The following ZFHX4 variants were observed in gnomAD, a reference collection of about 807,000 sequenced individuals.
ZFHX4 encodes the protein zinc finger homeobox protein 4.
A neutral mutation model predicts 267.6 loss-of-function variants in ZFHX4; 56 were observed. The observed-to-expected ratio is 0.21, with a 90% CI of 0.17 to 0.26. The LOEUF is 0.26. Ranked by LOEUF, ZFHX4 falls within the 10% of genes least tolerant of loss-of-function variation. The pLI, the probability that ZFHX4 is intolerant of heterozygous loss-of-function variation, is 1.00. For missense variants in ZFHX4, 4,332 were observed against 4,420.0 expected (o/e 0.98, Z 0.56); for synonymous variants, 1,778 against 1,665.6 (o/e 1.07, Z -1.64).
chr8:76,852,929 C>T lies in ZFHX4; in HGVS notation c.6008C>T (p.Pro2003Leu), dbSNP rs1219519847. 1.3e-6 allele frequency: 2 copies of T among 1,593,366 alleles called. No individual in the cohort carries two copies. The highest frequency in any genetic ancestry group is 1.1e-5 in the South Asian group (1 of 88,596). ...YPISPSSPET[P>L]PPPPPPPPLP... ...ATTTCTCCATCTTCTCCAGAAACGC[C>T]GCCCCCGCCACCTCCTCCTCCTCCC... The change falls in exon 10 of 11, where the codon CCG (proline) becomes CTG (leucine). Residue 2003 changes from proline to leucine, a missense_variant. Physicochemically the swap from Pro to Leu is moderately conservative, Grantham distance 98. Around this residue, in one of 7 missense-constraint regions of ZFHX4, gnomAD observed 1,371 missense variants for 1,423.1 expected, o/e 0.96. Transcript: ENST00000651372.
chr8:76,710,068 T>C (rs1286508223), intron 3 of ZFHX4, among the ~76,000 whole-genome samples: 1 of 152,186 alleles, frequency 6.6e-6, no homozygotes, highest in Non-Finnish European at 1.5e-5. Flanking sequence ...TTATAAATCA[T>C]ATAAAAATTT....
Position 76,854,470 on chromosome 8 carries a change from C to A in ZFHX4, c.7549C>A (p.Leu2517Ile), listed in dbSNP as rs762928700. ...LWQEHQHMHFLAAQNQFLHSP... is the reference protein window; with the variant it reads ...LWQEHQHMHFIAAQNQFLHSP... The stretch of plus-strand genomic sequence containing the variant: ...GCAGGAACACCAGCACATGCACTTC[C>A]TTGCTGCTCAAAACCAATTCCTTCA... The change falls in exon 10 of 11, where the codon CTT becomes ATT. Residue 2517 changes from leucine (L) to isoleucine (I), a missense_variant. Transcript: ENST00000651372. The A allele has an allele frequency of 6.2e-7, 1 of 1,613,870 alleles. No individual in the cohort carries two copies. Among genetic ancestry groups the A allele is most frequent in the East Asian group, 2.2e-5 (1 of 44,872 alleles).
chr8:76,824,448 G>A (rs552968173), intron 4 of ZFHX4, among the ~76,000 whole-genome samples: 1 of 152,312 alleles, frequency 6.6e-6, no homozygotes, highest in African/African-American at 2.4e-5. Context: ...AAGGTGGATG[G>A]TGGAAGTTTG....
intron 3 of ZFHX4, among the ~76,000 whole-genome samples, chr8:76,725,109 G>A (rs971997224): frequency 6.6e-6 from 1 of 151,940 alleles, no homozygotes; most frequent in Non-Finnish European, 1.5e-5. Context: ...TTCTATAATT[G>A]GACAATTTTC....
intron 6 of ZFHX4, among the ~76,000 whole-genome samples, chr8:76,844,712 A>G (rs1005478961): frequency 2.0e-5 from 3 of 152,122 alleles, no homozygotes; most frequent in African/African-American, 7.2e-5. Context: ...TTGTATCCCC[A>G]TATAAATGCC....
At chr8:76,770,023 A>C (rs1043156518) in intron 3 of ZFHX4, among the ~76,000 whole-genome samples, 3 of 152,134 alleles carry the variant, frequency 2.0e-5, no homozygotes, top group African/African-American at 7.2e-5. Context: ...CGCAAAACTG[A>C]GTCTGGAGAG....
intron 5 of ZFHX4, among the ~76,000 whole-genome samples, chr8:76,839,305 C>A (rs574356220): frequency 6.6e-6 from 1 of 152,132 alleles, no homozygotes; most frequent in African/African-American, 2.4e-5. Flanking sequence ...TGTAGAGTAA[C>A]TTATAAGATC....
At chr8:76,782,891 A>G (rs1365650295) in intron 4 of ZFHX4, among the ~76,000 whole-genome samples, 4 of 152,160 alleles carry the variant, frequency 2.6e-5, no homozygotes, top group Middle Eastern at 3.4e-3. Flanking sequence ...ATATTAATTA[A>G]TCAGCTCTCG....
chr8:76,769,220 T>C lies in ZFHX4; in HGVS notation c.3094-8988T>C, dbSNP rs115504271. Among the ~76,000 whole-genome samples, 161 of 152,340 alleles carry C rather than the reference T, an allele frequency of 1.1e-3. 1 individual carries two copies. Among genetic ancestry groups the C allele is most frequent in the African/African-American group, 3.8e-3 (156 of 41,584 alleles). On this transcript the variant is annotated intron_variant, in intron 3 of 10. Coordinates refer to ENST00000651372, the MANE Select transcript of ZFHX4 (RefSeq NM_024721.5). ...TGACAAATGGATGACATGAATGATC[T>C]TTCCATATGTGAGAAACAAATCTAT... is the stretch of plus-strand genomic sequence containing the variant.
intron 2 of ZFHX4, 91 bp downstream of exon 2, chr8:76,706,769 C>T (rs1052062725): frequency 7.5e-7 from 1 of 1,339,832 alleles, no homozygotes; most frequent in East Asian, 2.5e-5. Context: ...TGAGTGCCAA[C>T]AAATTGAGGA....
intron 6 of ZFHX4, among the ~76,000 whole-genome samples, chr8:76,844,982 A>G (rs779099150): frequency 4.3e-4 from 66 of 152,054 alleles, no homozygotes; most frequent in Non-Finnish European, 2.2e-4. Flanking sequence ...GTTTTTCTCT[A>G]TATGTGTCAT....
At chr8:76,812,596 T>C (rs1811405189) in intron 4 of ZFHX4, among the ~76,000 whole-genome samples, 1 of 152,196 alleles carries the variant, frequency 6.6e-6, no homozygotes, top group Non-Finnish European at 1.5e-5. Flanking sequence ...AAATGAATAT[T>C]GATATTTTTA....
At chr8:76,800,694 G>A (rs1205930064) in intron 4 of ZFHX4, among the ~76,000 whole-genome samples, 1 of 152,054 alleles carries the variant, frequency 6.6e-6, no homozygotes, top group Non-Finnish European at 1.5e-5. Context: ...AATAATTTAG[G>A]GATCAGCAGA....
chr8:76,851,358 T>C lies in ZFHX4; in HGVS notation c.4437T>C (p.Asp1479=), dbSNP rs964015241. The C allele has an allele frequency of 6.8e-6, 11 of 1,613,804 alleles. No homozygotes were observed. Among genetic ancestry groups the C allele is most frequent in the Non-Finnish European group, 9.3e-6 (11 of 1,179,854 alleles). Residue 1479 remains aspartate, a synonymous_variant, in exon 10 of 11, where the codon GAT becomes GAC. Transcript: ENST00000651372. ...CAGAGAGCGAAACTATGTCCCAGGA[T>C]GACCATGGCCTAGAGCAGGAAATGG... ...LWAESETMSQ[D]DHGLEQEMER...
intron 5 of ZFHX4, among the ~76,000 whole-genome samples, chr8:76,838,762 A>G (rs1812156063): frequency 6.6e-6 from 1 of 152,168 alleles, no homozygotes; most frequent in Non-Finnish European, 1.5e-5. Context: ...TGTTAAGACA[A>G]TGGGAAATAA....
chr8:76,742,420 A>G (rs1809343726), intron 3 of ZFHX4, among the ~76,000 whole-genome samples: 1 of 152,170 alleles, frequency 6.6e-6, no homozygotes, highest in South Asian at 2.1e-4. Context: ...CCTTACGTTT[A>G]ATTACTAACT....
At chr8:76,688,400 A>T (rs1472166036) in intron 1 of ZFHX4, among the ~76,000 whole-genome samples, 1 of 152,070 alleles carries the variant, frequency 6.6e-6, no homozygotes, top group Non-Finnish European at 1.5e-5. Context: ...GGGAAGGGAG[A>T]GAAGAGGGTA....
chr8:76,811,076 C>A (rs958013044), intron 4 of ZFHX4, among the ~76,000 whole-genome samples: 3 of 152,112 alleles, frequency 2.0e-5, no homozygotes, highest in Non-Finnish European at 2.9e-5. Flanking sequence ...TGAATGCAAC[C>A]TTTCAGTTGA....
intron 3 of ZFHX4, among the ~76,000 whole-genome samples, chr8:76,767,699 C>G (rs927562911): frequency 1.8e-4 from 28 of 152,146 alleles, no homozygotes; most frequent in Admixed American, 1.2e-3. Flanking sequence ...AGTCAAGTAT[C>G]TGGTGAAGGG....
Sources: allele counts gnomAD v4.1 joint callset (sites outside exome capture counted in the v4.1 genomes callset), GRCh38; gene constraint gnomAD v4.1.1; regional missense constraint gnomAD v4.1.1; transcripts MANE v1.5; gene names NCBI Gene and HGNC (gene_info 2026-07-23, HGNC 2026-07-21).